NSMAF: variants seen among roughly 807,000 people sequenced by gnomAD.
NSMAF encodes the protein neutral sphingomyelinase activation associated factor.
In NSMAF, 90 loss-of-function variants were observed where a neutral mutation model predicts 134.9. That is an observed-to-expected ratio of 0.67 (90% CI 0.56 to 0.79). NSMAF has a LOEUF of 0.79. NSMAF is among the 30% of genes least tolerant of loss of function. The pLI, the probability that NSMAF is intolerant of heterozygous loss-of-function variation, is 0.00. For missense variants in NSMAF, 1,010 were observed against 1,119.0 expected, an observed-to-expected ratio of 0.90 and a Z score of 1.39; for synonymous variants, 358 against 389.6, an observed-to-expected ratio of 0.92 and a Z score of 0.96.
At chr8:58,638,194 G>C (rs1807246859) in intron 2 of NSMAF, among the ~76,000 whole-genome samples, 1 of 152,070 alleles carries the variant, frequency 6.6e-6, no homozygotes, top group Non-Finnish European at 1.5e-5. Flanking sequence ...CTCCAGGTGT[G>C]CACCACCATG....
intron 1 of NSMAF, among the ~76,000 whole-genome samples, chr8:58,654,560 A>G (rs1401522284): frequency 6.6e-6 from 1 of 152,228 alleles, no homozygotes; most frequent in Non-Finnish European, 1.5e-5. Context: ...CAAAAAAGAA[A>G]AAAAGAAAGA....
intron 2 of NSMAF, among the ~76,000 whole-genome samples, chr8:58,638,350 TA>T (rs1301041578): frequency 2.0e-5 from 3 of 152,064 alleles, no homozygotes; most frequent in Admixed American, 6.5e-5. Flanking sequence ...TGGTCCAGAG[TA>T]ATCTTGAACA....
rs1311847702 is a variant in NSMAF at position 58,601,487 on chromosome 8, A to G, written c.1174T>C (p.Tyr392His). ...AAAAGTACATAACCCGGGGAAGAGT[A>G]GTGACTCCCATACATGAACTTTGGT... ...PEPKFMYGSH[Y>H]SSPGYVLFYL... Residue 392 changes from tyrosine to histidine, a missense_variant, in exon 15 of 31, where the codon TAC becomes CAC. Coordinates refer to ENST00000038176, the MANE Select transcript of NSMAF (RefSeq NM_003580.4). 1.2e-6 allele frequency: 2 copies of G among 1,611,746 alleles called. No individual in the cohort carries two copies. The highest frequency in any genetic ancestry group is 1.7e-6 in the Non-Finnish European group (2 of 1,178,882).
chr8:58,588,334 C>CTTTT, intron 26 of NSMAF: 2 of 669,314 alleles, frequency 3.0e-6, no homozygotes, highest in Non-Finnish European at 5.1e-6. Context: ...TTGACATTTT[C>CTTTT]TTTTTTTTTT....
In NSMAF at chr8:58,623,270, T is replaced by G; in HGVS notation, c.507A>C (p.Ile169=). The G allele has an allele frequency of 6.2e-7, 1 of 1,608,920 alleles. No homozygotes were observed. The highest frequency in any genetic ancestry group is 2.2e-5 in the East Asian group (1 of 44,806). Residue 169 remains isoleucine (I), a splice_region_variant and synonymous_variant, in exon 9 of 31, where the codon ATA becomes ATC. Coordinates refer to ENST00000038176, the MANE Select transcript of NSMAF (RefSeq NM_003580.4). Reference sequence around the variant, plus strand: ...CTAAACGAGACTGCAAAATAGCTGTTATCTATTAAAACAGAACCAGAAAAA... The same window carrying G: ...CTAAACGAGACTGCAAAATAGCTGTGATCTATTAAAACAGAACCAGAAAAA... ...LDKLGDQTAM[I]TAILQSRLAR...
intron 16 of NSMAF, 94 bp downstream of exon 16, chr8:58,601,191 A>C (rs1031177975): frequency 9.4e-7 from 1 of 1,061,442 alleles, no homozygotes; most frequent in African/African-American, 1.6e-5. Flanking sequence ...ACATTTCTTT[A>C]CTTTTTTATT....
At chr8:58,616,732 CTG>C (rs1482457352) in intron 9 of NSMAF, among the ~76,000 whole-genome samples, 1 of 152,050 alleles carries the variant, frequency 6.6e-6, no homozygotes, top group Non-Finnish European at 1.5e-5. Flanking sequence ...ATTAATAAAA[CTG>C]TGCAATGAGG....
intron 9 of NSMAF, among the ~76,000 whole-genome samples, chr8:58,612,385 G>C (rs1242550491): frequency 6.6e-6 from 1 of 152,182 alleles, no homozygotes; most frequent in Non-Finnish European, 1.5e-5. Context: ...TCACTCCACA[G>C]GGACAGAAGC....
intron 13 of NSMAF, 102 bp downstream of exon 13, chr8:58,603,108 G>T: frequency 1.7e-6 from 2 of 1,152,182 alleles, no homozygotes; most frequent in Non-Finnish European, 2.5e-6. Context: ...TTGTTCACAT[G>T]TCACATCACA....
chr8:58,624,231 AGGGCG>A (rs1806862393), intron 6 of NSMAF, among the ~76,000 whole-genome samples: 1 of 151,582 alleles, frequency 6.6e-6, no homozygotes, highest in African/African-American at 2.4e-5. Context: ...TAGTAGAGAC[AGGGCG>A]GGGTTTCACC....
chr8:58,638,445 T>G (rs1197478121), intron 2 of NSMAF, among the ~76,000 whole-genome samples: 2 of 150,670 alleles, frequency 1.3e-5, no homozygotes, highest in Non-Finnish European at 2.9e-5. Context: ...ATGATACAGC[T>G]GTACAGACCA....
At chr8:58,629,454 C>T (rs796823726) in intron 6 of NSMAF, among the ~76,000 whole-genome samples, 6 of 152,242 alleles carry the variant, frequency 3.9e-5, no homozygotes, top group African/African-American at 1.4e-4. Context: ...TTTTCCTGAG[C>T]TCATTAAGCA....
chr8:58,608,466 T>A (rs947932102), intron 10 of NSMAF, among the ~76,000 whole-genome samples: 14 of 151,856 alleles, frequency 9.2e-5, no homozygotes, highest in Admixed American at 8.5e-4. Flanking sequence ...TCCTCCCAAG[T>A]AGGAGGGAAG....
At chr8:58,600,302 A>G (rs1332879700) in intron 16 of NSMAF, 4 of 375,952 alleles carry the variant, frequency 1.1e-5, no homozygotes, top group South Asian at 4.5e-5. Context: ...CCAAGGGCCA[A>G]ATGGAGCAGG....
rs112226247 is a variant in NSMAF at position 58,591,908 on chromosome 8, ATCTTTAAATAATT to A, written c.1952-987_1952-975del. Among the ~76,000 whole-genome samples the A allele has an allele frequency of 6.9e-3, 1,045 of 152,316 alleles. 8 individuals carry two copies. The highest frequency in any genetic ancestry group is 0.024 in the African/African-American group (996 of 41,570). On this transcript the variant is annotated intron_variant, in intron 23 of 30. Coordinates refer to ENST00000038176, the MANE Select transcript of NSMAF (RefSeq NM_003580.4). The stretch of plus-strand genomic sequence containing the variant: ...ACTTACACAACGTGATGTCGGAATG[ATCTTTAAATAATT>A]TCTTCTGCACAGTATAACTTAATAA...
chr8:58,586,370 TTATTGTTTATTTCAAAATTAACAA>T (rs1206140174), intron 28 of NSMAF, 64 bp downstream of exon 28: 4 of 1,305,196 alleles, frequency 3.1e-6, no homozygotes, highest in East Asian at 2.5e-5. Context: ...TTTGTAAGTT[TTATTGTTTATTTCAAAATTAACAA>T]TATTGTTTAT....
intron 2 of NSMAF, among the ~76,000 whole-genome samples, chr8:58,640,768 A>G (rs1807316482): frequency 6.6e-6 from 1 of 152,024 alleles, no homozygotes; most frequent in South Asian, 2.1e-4. Context: ...CGCTATGTTG[A>G]TCAGGCTGGT....
rs371296188 is a variant in NSMAF at position 58,623,430 on chromosome 8, G to A, written c.457-6C>T. Reference sequence around the variant, plus strand: ...AGGCAGGATGCTCTGTGAAGCTACAGTATCATAAACAGACATGAATTTATT... The same window carrying A: ...AGGCAGGATGCTCTGTGAAGCTACAATATCATAAACAGACATGAATTTATT... On this transcript the variant is annotated splice_polypyrimidine_tract_variant and splice_region_variant and intron_variant, in intron 7 of 30. Coordinates refer to ENST00000038176, the MANE Select transcript of NSMAF (RefSeq NM_003580.4). 168 of 1,613,334 alleles carry A rather than the reference G, an allele frequency of 1.0e-4. No individual in the cohort carries two copies. Among genetic ancestry groups the A allele is most frequent in the Non-Finnish European group, 1.3e-4 (157 of 1,179,514 alleles).
chr8:58,593,430 T>C (rs1357126490), intron 23 of NSMAF, among the ~76,000 whole-genome samples: 2 of 152,232 alleles, frequency 1.3e-5, no homozygotes, highest in African/African-American at 4.8e-5. Context: ...TAGCACTTTG[T>C]CTTAATGAAT....
Sources: gnomAD v4.1 joint callset for allele counts (sites outside exome capture counted in the v4.1 genomes callset) on GRCh38, gnomAD v4.1.1 for gene constraint, MANE v1.5 for transcripts, NCBI Gene and HGNC (gene_info 2026-07-23, HGNC 2026-07-21) for gene names.